GNAS: variants seen among roughly 807,000 people sequenced by gnomAD.
The protein encoded by GNAS is protein ALEX.
In GNAS, 8 loss-of-function variants were observed where a neutral mutation model predicts 54.5. The observed-to-expected ratio is 0.15, with a 90% CI of 0.09 to 0.26. The LOEUF (loss-of-function observed/expected upper bound fraction) is 0.26. Ranked by LOEUF, GNAS falls within the 10% of genes least tolerant of loss-of-function variation. GNAS has a pLI of 1.00. For synonymous variants in GNAS, 204 were observed against 191.4 expected (o/e 1.07, Z -0.54); for missense variants, 170 against 529.8 (o/e 0.32, Z 6.67).
chr20:58,850,999 CG>C (rs899602445), intron 1 of GNAS: 18 of 398,250 alleles, frequency 4.5e-5, no homozygotes, highest in African/African-American at 3.3e-4. Flanking sequence ...ATGGCTGACC[CG>C]GCGCTGGGGT....
chr20:58,900,956 C>T (rs2090550884), intron 3 of GNAS, among the ~76,000 whole-genome samples: 2 of 152,178 alleles, frequency 1.3e-5, no homozygotes, highest in Admixed American at 6.5e-5. Context: ...TCAAAATATC[C>T]GTATTTTAAG....
chr20:58,840,062 G>A, upstream of GNAS: 1 of 1,604,896 alleles, frequency 6.2e-7, no homozygotes, highest in Non-Finnish European at 8.5e-7. This position sits in a 1 kb window ranked among gnomAD's most constrained non-coding sequence, Gnocchi z 6.0. Context: ...GCCACTCTCT[G>A]CAGAGCCAGA....
At chr20:58,858,287 A>G (rs6026563) in intron 1 of GNAS, among the ~76,000 whole-genome samples, 12,031 of 152,234 alleles carry the variant, frequency 0.079, 993 homozygotes, top group African/African-American at 0.21. Context: ...TGTTGCTTGA[A>G]AAAATGTATG....
chr20:58,853,699 G>C lies in GNAS; in HGVS notation c.43+12813G>C, dbSNP rs995192753. The C allele has an allele frequency of 1.2e-6, 2 of 1,613,712 alleles. No individual in the cohort carries two copies. The highest frequency in any genetic ancestry group is 2.7e-5 in the African/African-American group (2 of 74,960). Reference sequence around the variant, plus strand: ...GCACTCATGGAGCCCGGAGCCTTCAGTGGTGCCAGACCAGGCCTGGGAGGA... The same window carrying C: ...GCACTCATGGAGCCCGGAGCCTTCACTGGTGCCAGACCAGGCCTGGGAGGA... On this transcript the variant is annotated intron_variant, in intron 1 of 12. Transcript: ENST00000306090. This position sits in a 1 kb window ranked among gnomAD's most constrained non-coding sequence, Gnocchi z 4.4.
chr20:58,871,637 C>CAAAAAAAA, intron 1 of GNAS, among the ~76,000 whole-genome samples: 1 of 58,584 alleles, frequency 1.7e-5, no homozygotes, highest in Non-Finnish European at 2.9e-5. Flanking sequence ...AAACAAACAA[C>CAAAAAAAA]AAAAAAAAAA....
intron 1 of GNAS, among the ~76,000 whole-genome samples, chr20:58,882,068 GTTTGT>G (rs935943882): frequency 3.9e-5 from 6 of 152,096 alleles, no homozygotes; most frequent in East Asian, 1.9e-4. Flanking sequence ...GTTTGTTTGT[GTTTGT>G]TTTGTTTTGT....
chr20:58,855,059 C>T (rs1403660292), intron 1 of GNAS: 1 of 1,613,106 alleles, frequency 6.2e-7, no homozygotes, highest in South Asian at 1.1e-5. Flanking sequence ...GGCGAAATCG[C>T]CGCCGCCGAA....
In GNAS at chr20:58,910,258, G is replaced by A; in HGVS notation, c.971-76G>A. The A allele has an allele frequency of 7.7e-7, 1 of 1,300,006 alleles. No individual in the cohort carries two copies. The highest frequency in any genetic ancestry group is 1.1e-6 in the Non-Finnish European group (1 of 893,108). 80.5% of individuals were successfully genotyped at this position (1,300,006 alleles called of 1,614,324 possible). A position where few individuals can be genotyped will look rare whatever the true frequency, so the allele number is the denominator to read the frequency against. ...AAAAATCAGGGTTTTGAAGACTTCA[G>A]GAGCTACAGAGATGCTAGCACCCCA... On this transcript the variant is annotated intron_variant, in intron 11 of 12. Coordinates refer to ENST00000371085, the MANE Select transcript of GNAS (RefSeq NM_000516.7). This position sits in a 1 kb window ranked among gnomAD's most constrained non-coding sequence, Gnocchi z 5.8.
chr20:58,898,792 T>C lies in GNAS; in HGVS notation c.213-149T>C. Reference sequence around the variant, plus strand: ...TTCCAATTTAGCCAGAAAGGCGACCTAAGAATTGCCGGGAGGATGGATGGC... The same window carrying C: ...TTCCAATTTAGCCAGAAAGGCGACCCAAGAATTGCCGGGAGGATGGATGGC... On this transcript the variant is annotated intron_variant, in intron 2 of 12. Coordinates refer to ENST00000371085, the MANE Select transcript of GNAS (RefSeq NM_000516.7). The C allele has an allele frequency of 7.6e-6, 6 of 789,948 alleles. No homozygotes were observed. The Middle Eastern group carries it at 1.4e-3, about 184-fold the overall frequency. 48.9% of individuals were successfully genotyped at this position (789,948 alleles called of 1,614,324 possible).
chr20:58,878,791 T>G (rs1303840385), intron 1 of GNAS, among the ~76,000 whole-genome samples: 1 of 152,126 alleles, frequency 6.6e-6, no homozygotes, highest in Non-Finnish European at 1.5e-5. Flanking sequence ...GGTCCGGCAG[T>G]TCTGTCTGGA....
At chr20:58,898,040 T>G (rs2090232039) in intron 2 of GNAS, 1 of 152,222 alleles carries the variant, frequency 6.6e-6, no homozygotes. Flanking sequence ...TAATACTGAT[T>G]TGACCTTCAG....
At chr20:58,886,361 G>T (rs1345825998) in intron 1 of GNAS, among the ~76,000 whole-genome samples, 2 of 152,164 alleles carry the variant, frequency 1.3e-5, no homozygotes, top group Non-Finnish European at 1.5e-5. Context: ...CAACTGGCTG[G>T]CTTGGGCATG....
intron 1 of GNAS, among the ~76,000 whole-genome samples, chr20:58,867,225 AG>A (rs2087119301): frequency 1.3e-5 from 2 of 152,234 alleles, no homozygotes; most frequent in African/African-American, 2.4e-5. Context: ...GCCAGACGTT[AG>A]GGGAAAATTT....
At chr20:58,864,768 T>C (rs2086948301) in intron 1 of GNAS, among the ~76,000 whole-genome samples, 1 of 152,226 alleles carries the variant, frequency 6.6e-6, no homozygotes, top group Non-Finnish European at 1.5e-5. Context: ...TTTTACGCTG[T>C]GACTTCTCCT....
rs1388118917 is a variant in GNAS, at chr20:58,853,899, T to C, written c.43+13013T>C. ...AGCCCTCAGGCCTGCAAAGGCTGGC[T>C]CCAGAGGAGGCTACAGCCCTCCCCC... On this transcript the variant is annotated intron_variant, in intron 1 of 12. Coordinates refer to the GNAS transcript ENST00000306090. This position sits in a 1 kb window ranked among gnomAD's most constrained non-coding sequence, Gnocchi z 4.4. 6.2e-7 allele frequency: 1 copy of C among 1,603,516 alleles called. No homozygotes were observed. The highest frequency in any genetic ancestry group is 2.3e-5 in the East Asian group (1 of 44,434).
intron 3 of GNAS, among the ~76,000 whole-genome samples, 173 bp downstream of exon 3, chr20:58,899,158 G>A (rs892610733): frequency 2.0e-5 from 3 of 152,210 alleles, no homozygotes; most frequent in South Asian, 2.1e-4. Context: ...TTTGGAGCAA[G>A]TAAAGTGCGT....
chr20:58,890,018 G>A (rs1348174177), upstream of GNAS, among the ~76,000 whole-genome samples: 1 of 151,644 alleles, frequency 6.6e-6, no homozygotes, highest in Non-Finnish European at 1.5e-5. Flanking sequence ...CGCTCGCGCC[G>A]CGGAAGAGCG....
rs200012486 is a variant in GNAS at position 58,842,277 on chromosome 20, A to AT, written c.43+1401dup. 808 of 384,832 alleles carry AT rather than the reference A, an allele frequency of 2.1e-3. 4 individuals carry two copies. Among genetic ancestry groups the AT allele is most frequent in the East Asian group, 0.018 (485 of 27,082 alleles). The allele number at this position is 384,832 out of a possible 1,614,324, so 23.8% of individuals were successfully genotyped here. A position where few individuals can be genotyped will look rare whatever the true frequency, so the allele number is the denominator to read the frequency against. On this transcript the variant is annotated intron_variant, in intron 1 of 12. Coordinates refer to the GNAS transcript ENST00000306090. Reference sequence around the variant, plus strand: ...AAAATCTCATCCGACTTGGAAATTGATTTTTTTTTTCCTGGTGTGCGTGTC... The same window carrying AT: ...AAAATCTCATCCGACTTGGAAATTGATTTTTTTTTTTCCTGGTGTGCGTGTC...
chr20:58,861,606 G>A (rs1257807901), intron 1 of GNAS, among the ~76,000 whole-genome samples: 2 of 152,134 alleles, frequency 1.3e-5, no homozygotes, highest in East Asian at 3.8e-4. Flanking sequence ...AGTCCTAAGT[G>A]GCCTTTATGC....
Sources: gnomAD v4.1 joint callset for allele counts (sites outside exome capture counted in the v4.1 genomes callset) on GRCh38, gnomAD v4.1.1 for gene constraint, Gnocchi (gnomAD v3.1) non-coding constraint, MANE v1.5 for transcripts, NCBI Gene and HGNC (gene_info 2026-07-23, HGNC 2026-07-21) for gene names.